PTPRG: variants seen among roughly 807,000 people sequenced by gnomAD.
PTPRG encodes the protein protein tyrosine phosphatase receptor type G.
Under a neutral mutation model 165.3 loss-of-function variants are expected in PTPRG, and 102 were observed. The observed-to-expected ratio is 0.62, with a 90% confidence interval of 0.53 to 0.73. PTPRG has a LOEUF of 0.73. PTPRG is among the 30% of genes least tolerant of loss of function. The pLI is 0.00. For synonymous variants in PTPRG, 675 were observed against 669.5 expected (o/e 1.01, Z -0.13); for missense variants, 1,866 against 1,861.4 (o/e 1.00, Z -0.05).
At chr3:61,568,240 C>A (rs1378596425) in intron 1 of PTPRG, among the ~76,000 whole-genome samples, 1 of 152,146 alleles carries the variant, frequency 6.6e-6, no homozygotes, top group African/African-American at 2.4e-5. Flanking sequence ...TTGCCTGTTG[C>A]AAATTTCTAA....
intron 2 of PTPRG, among the ~76,000 whole-genome samples, chr3:61,930,495 C>G (rs1257407953): frequency 1.3e-5 from 2 of 152,108 alleles, no homozygotes; most frequent in African/African-American, 4.8e-5. Context: ...AGACCTGCAT[C>G]TTATGTGTTG....
chr3:61,724,722 T>A (rs922266687), intron 1 of PTPRG, among the ~76,000 whole-genome samples: 3 of 152,130 alleles, frequency 2.0e-5, no homozygotes, highest in Admixed American at 1.3e-4. Flanking sequence ...GTGGTCCCAA[T>A]TTTCATTTTC....
chr3:61,945,877 T>G (rs2039747821), intron 2 of PTPRG, among the ~76,000 whole-genome samples: 1 of 152,158 alleles, frequency 6.6e-6, no homozygotes, highest in Admixed American at 6.5e-5. Flanking sequence ...TTCTGTCCCA[T>G]TAGGTGAGAA....
intron 2 of PTPRG, among the ~76,000 whole-genome samples, chr3:61,855,625 G>A (rs1007185130): frequency 6.8e-6 from 1 of 148,014 alleles, no homozygotes; most frequent in East Asian, 2.0e-4. Flanking sequence ...TTACTAAGGG[G>A]TATAAAATAA....
At chr3:62,034,056 G>A (rs1699862823) in intron 4 of PTPRG, among the ~76,000 whole-genome samples, 1 of 152,196 alleles carries the variant, frequency 6.6e-6, no homozygotes, top group African/African-American at 2.4e-5. Context: ...ATGAGCCACT[G>A]AGCCCGGCCA....
chr3:61,688,264 C>T (rs192214658), intron 1 of PTPRG, among the ~76,000 whole-genome samples: 1 of 152,152 alleles, frequency 6.6e-6, no homozygotes, highest in Admixed American at 6.5e-5. Context: ...AGGTGTTGCC[C>T]TGGAGAATTG....
chr3:62,094,592 A>G (rs2106806872), intron 5 of PTPRG, among the ~76,000 whole-genome samples: 1 of 152,258 alleles, frequency 6.6e-6, no homozygotes, highest in Middle Eastern at 3.4e-3. Flanking sequence ...CCCTGGTCCC[A>G]TTGCTTCAGT....
At chr3:61,657,144 G>T (rs556651150) in intron 1 of PTPRG, among the ~76,000 whole-genome samples, 5 of 152,286 alleles carry the variant, frequency 3.3e-5, no homozygotes, top group South Asian at 2.1e-4. Flanking sequence ...GGACAAAGGG[G>T]TATTATTGTC....
chr3:61,825,597 A>G (rs560924946), intron 2 of PTPRG, among the ~76,000 whole-genome samples: 25 of 152,260 alleles, frequency 1.6e-4, no homozygotes, highest in African/African-American at 5.8e-4. Flanking sequence ...CAAATTTGGA[A>G]TAAGACCAAG....
At chr3:61,952,249 T>C (rs2039918764) in intron 2 of PTPRG, among the ~76,000 whole-genome samples, 1 of 152,010 alleles carries the variant, frequency 6.6e-6, no homozygotes, top group Admixed American at 6.6e-5. Context: ...ACCACTTTAG[T>C]GCCTGTGCTG....
chr3:61,600,782 C>G (rs976206615), intron 1 of PTPRG, among the ~76,000 whole-genome samples: 1 of 152,150 alleles, frequency 6.6e-6, no homozygotes, highest in African/African-American at 2.4e-5. Context: ...CTCAAGCAGT[C>G]CTGCTACCTC....
chr3:61,984,075 C>T (rs1421081086), intron 2 of PTPRG, among the ~76,000 whole-genome samples: 4 of 152,124 alleles, frequency 2.6e-5, no homozygotes. Flanking sequence ...CTGCCTTAAA[C>T]AGACCAGTTG....
At chr3:61,837,302 C>G (rs2036496506) in intron 2 of PTPRG, among the ~76,000 whole-genome samples, 1 of 152,236 alleles carries the variant, frequency 6.6e-6, no homozygotes, top group African/African-American at 2.4e-5. Flanking sequence ...CCTGCCACAG[C>G]CACCCAAAGT....
At chr3:62,074,348 C>CTTT (rs146122295) in intron 4 of PTPRG, among the ~76,000 whole-genome samples, 1 of 114,268 alleles carries the variant, frequency 8.8e-6, no homozygotes, top group African/African-American at 3.4e-5. Flanking sequence ...CTTTTCTTTT[C>CTTT]TTTCTTTTTT....
At chr3:61,822,786 T>A (rs2035992690) in intron 2 of PTPRG, among the ~76,000 whole-genome samples, 1 of 152,216 alleles carries the variant, frequency 6.6e-6, no homozygotes, top group South Asian at 2.1e-4. Context: ...CTTTACCCTT[T>A]TAGTCAAATG....
At chr3:62,076,012 G>A (rs75880644) in intron 4 of PTPRG, among the ~76,000 whole-genome samples, 9,441 of 152,158 alleles carry the variant, frequency 0.062, 412 homozygotes, top group South Asian at 0.11. Context: ...GCAGTGGTTC[G>A]TGCATGTAAT....
At chr3:61,719,234 C>T (rs148320291) in intron 1 of PTPRG, among the ~76,000 whole-genome samples, 48 of 152,286 alleles carry the variant, frequency 3.2e-4, no homozygotes, top group East Asian at 1.2e-3. Context: ...GGAATTTGTT[C>T]GTTGACTTGT....
chr3:61,978,900 TC>T (rs2107674824), intron 2 of PTPRG, among the ~76,000 whole-genome samples: 1 of 152,300 alleles, frequency 6.6e-6, no homozygotes, highest in East Asian at 1.9e-4. Flanking sequence ...CATGGTTTAG[TC>T]CCGTAGATCT....
intron 1 of PTPRG, among the ~76,000 whole-genome samples, chr3:61,717,694 C>T (rs1236315407): frequency 6.6e-6 from 1 of 152,014 alleles, no homozygotes; most frequent in Non-Finnish European, 1.5e-5. Flanking sequence ...GAGGCTGAGG[C>T]AGGAGAATCA....
Sources: allele counts gnomAD v4.1 joint callset (sites outside exome capture counted in the v4.1 genomes callset), GRCh38; gene constraint gnomAD v4.1.1; transcripts MANE v1.5; gene names NCBI Gene and HGNC (gene_info 2026-07-23, HGNC 2026-07-21).